HHAT: variants seen among roughly 807,000 people sequenced by gnomAD.
The protein encoded by HHAT is protein-cysteine N-palmitoyltransferase HHAT.
Under a neutral mutation model 70.8 loss-of-function variants are expected in HHAT, and 47 were observed. The observed-to-expected ratio is 0.66, with a 90% CI of 0.53 to 0.85. The LOEUF is 0.85. Among genes scored for constraint, HHAT ranks in the 40% least tolerant of loss-of-function variants. HHAT has a pLI of 0.00. For synonymous variants in HHAT, 228 were observed against 247.6 expected (o/e 0.92, Z 0.74); for missense variants, 609 against 604.8 (o/e 1.01, Z -0.07).
intron 3 of HHAT, 105 bp from the exon 4 acceptor site, chr1:210,387,363 G>A (rs2091156955): frequency 1.1e-6 from 1 of 891,134 alleles, no homozygotes; most frequent in African/African-American, 1.6e-5. Flanking sequence ...CTTTTACAGA[G>A]TTTGGACTCA....
chr1:210,600,833 T>C (rs1664101094), intron 10 of HHAT, among the ~76,000 whole-genome samples: 1 of 152,146 alleles, frequency 6.6e-6, no homozygotes, highest in Admixed American at 6.5e-5. Context: ...TTGTCGATTA[T>C]TCCTACCCAA....
intron 9 of HHAT, among the ~76,000 whole-genome samples, chr1:210,582,609 A>G (rs1461213340): frequency 6.6e-6 from 1 of 152,142 alleles, no homozygotes. Context: ...TGTAGGGCGT[A>G]TATTTGTGTT....
intron 2 of HHAT, among the ~76,000 whole-genome samples, chr1:210,356,541 A>G (rs555655072): frequency 3.3e-5 from 5 of 152,172 alleles, no homozygotes; most frequent in East Asian, 1.9e-4. Flanking sequence ...TTGTTTTTAT[A>G]TAGTTGTTCT....
At chr1:210,532,517 G>T (rs936690994) in intron 9 of HHAT, among the ~76,000 whole-genome samples, 4 of 152,120 alleles carry the variant, frequency 2.6e-5, no homozygotes, top group Non-Finnish European at 4.4e-5. Flanking sequence ...GATTTAAAAG[G>T]TCTCTTCTAG....
rs146648618 is a variant in HHAT, at chr1:210,383,691, G to A, written c.160-3777G>A. Among the ~76,000 whole-genome samples the A allele has an allele frequency of 1.8e-4, 27 of 152,316 alleles. No homozygotes were observed. The East Asian group carries it at 4.6e-3, about 26-fold the overall frequency. ...GAACAAATATATTACTGTGGTGGGA[G>A]ATGCTGATGGAGAGGGGTTAAGGGG... On this transcript the variant is annotated intron_variant, in intron 3 of 11. Coordinates refer to ENST00000261458, the MANE Select transcript of HHAT (RefSeq NM_018194.6).
chr1:210,375,103 G>C (rs1277587845), intron 3 of HHAT, among the ~76,000 whole-genome samples: 1 of 149,508 alleles, frequency 6.7e-6, no homozygotes, highest in Non-Finnish European at 1.5e-5. Context: ...GCACTTACTT[G>C]TGTATATGTA....
intron 7 of HHAT, among the ~76,000 whole-genome samples, chr1:210,454,312 G>A (rs968048260): frequency 2.0e-5 from 3 of 152,220 alleles, no homozygotes. Context: ...CCAGCACTTC[G>A]GGAGGCCGAG....
At chr1:210,567,824 G>A (rs1157692592) in intron 9 of HHAT, among the ~76,000 whole-genome samples, 1 of 152,120 alleles carries the variant, frequency 6.6e-6, no homozygotes, top group Non-Finnish European at 1.5e-5. Flanking sequence ...TATTCTTGGG[G>A]GACAACTAAC....
intron 7 of HHAT, among the ~76,000 whole-genome samples, chr1:210,422,722 C>T (rs2092942658): frequency 6.6e-6 from 1 of 152,174 alleles, no homozygotes; most frequent in Non-Finnish European, 1.5e-5. Flanking sequence ...ACTGCAACCT[C>T]TGCCTCTTGG....
At chr1:210,452,371 C>A (rs2093772964) in intron 7 of HHAT, among the ~76,000 whole-genome samples, 1 of 152,212 alleles carries the variant, frequency 6.6e-6, no homozygotes, top group Non-Finnish European at 1.5e-5. Flanking sequence ...TGGGGGCTCT[C>A]AGTGCCTCCC....
At chr1:210,436,546 G>A (rs1256249511) in intron 7 of HHAT, among the ~76,000 whole-genome samples, 1 of 151,582 alleles carries the variant, frequency 6.6e-6, no homozygotes, top group Non-Finnish European at 1.5e-5. Flanking sequence ...TTCTGTGCCT[G>A]ATCAGGGGGT....
At chr1:210,656,215 T>C (rs763068797) in intron 11 of HHAT, among the ~76,000 whole-genome samples, 14 of 151,508 alleles carry the variant, frequency 9.2e-5, no homozygotes, top group Non-Finnish European at 1.5e-4. Context: ...GGCTACACTT[T>C]TATTTATCTT....
intron 9 of HHAT, among the ~76,000 whole-genome samples, chr1:210,569,555 A>AT (rs1351664815): frequency 1.3e-5 from 2 of 151,578 alleles, no homozygotes; most frequent in South Asian, 2.1e-4. Context: ...AACTTTTAGG[A>AT]TTTTTTTCCT....
chr1:210,449,335 T>C (rs894109535), intron 7 of HHAT, among the ~76,000 whole-genome samples: 1 of 151,988 alleles, frequency 6.6e-6, no homozygotes, highest in African/African-American at 2.4e-5. Flanking sequence ...AATCATATAA[T>C]TTTCTTATTT....
At chr1:210,547,557 G>A (rs1161868193) in intron 9 of HHAT, among the ~76,000 whole-genome samples, 1 of 152,150 alleles carries the variant, frequency 6.6e-6, no homozygotes, top group African/African-American at 2.4e-5. Context: ...TGCGTATTAA[G>A]GCAGGTCCCA....
At position 210,362,896 on chromosome 1, in the gene HHAT, A is replaced by T; in HGVS notation, c.136A>T (p.Thr46Ser). Residue 46 changes from threonine (T) to serine (S), a missense_variant, in exon 3 of 12, where the codon ACT becomes TCT. Thr to Ser is a moderately conservative substitution (Grantham distance 58). Transcript: ENST00000261458. ...LDQEFELETD[T>S]LFGGLKKDAT... Reference sequence around the variant, plus strand: ...CCAGGAATTTGAGCTGGAGACTGACACTTTATTTGGAGGATTAAAGAAGGT... The same window carrying T: ...CCAGGAATTTGAGCTGGAGACTGACTCTTTATTTGGAGGATTAAAGAAGGT... 1 of 1,613,552 alleles carries T rather than the reference A, an allele frequency of 6.2e-7. No homozygotes were observed. The highest frequency in any genetic ancestry group is 1.1e-5 in the South Asian group (1 of 91,062).
intron 10 of HHAT, among the ~76,000 whole-genome samples, chr1:210,591,921 C>G (rs12127035): frequency 0.088 from 13,369 of 152,010 alleles, 706 homozygotes; most frequent in Middle Eastern, 0.15. Context: ...CCTTATATAT[C>G]CTGGTTATTA....
At chr1:210,448,124 G>T (rs1344078281) in intron 7 of HHAT, among the ~76,000 whole-genome samples, 1 of 148,346 alleles carries the variant, frequency 6.7e-6, no homozygotes. Context: ...CTGTCACTCA[G>T]CCTGTAATGC....
intron 2 of HHAT, 123 bp downstream of exon 2, chr1:210,349,189 C>G: frequency 9.9e-7 from 1 of 1,014,904 alleles, no homozygotes; most frequent in Non-Finnish European, 1.4e-6. Context: ...CCTTGATTTG[C>G]TTCCCCATGT....
Sources: allele counts gnomAD v4.1 joint callset (sites outside exome capture counted in the v4.1 genomes callset), GRCh38; gene constraint gnomAD v4.1.1; transcripts MANE v1.5; gene names NCBI Gene and HGNC (gene_info 2026-07-23, HGNC 2026-07-21).